DNAH11: variants seen among roughly 807,000 people sequenced by gnomAD.
The protein encoded by DNAH11 is axonemal beta dynein heavy chain 11.
In DNAH11, 442 loss-of-function variants were observed where a neutral mutation model predicts 526.0. That is an observed-to-expected ratio of 0.84 (90% CI 0.78 to 0.91). The LOEUF is 0.91. Ranked by LOEUF, DNAH11 falls within the 40% of genes least tolerant of loss-of-function variation. The pLI is 0.00. For missense variants in DNAH11, 6,989 were observed against 5,448.7 expected (o/e 1.28, Z -8.90); for synonymous variants, 2,461 against 1,935.9 (o/e 1.27, Z -7.12).
At chr7:21,871,363 A>G (rs983408691) in intron 73 of DNAH11, among the ~76,000 whole-genome samples, 8 of 152,246 alleles carry the variant, frequency 5.3e-5, no homozygotes, top group Admixed American at 3.9e-4. Context: ...AAAAATAGGC[A>G]TAAGAATCTA....
intron 50 of DNAH11, 75 bp downstream of exon 50, chr7:21,744,674 TA>T: frequency 6.4e-7 from 1 of 1,569,328 alleles, no homozygotes; most frequent in Non-Finnish European, 8.6e-7. Context: ...TAGATGAGGG[TA>T]TGAGAGAAGT....
Position 21,600,705 on chromosome 7 carries a change from A to G in DNAH11, c.3030A>G (p.Ala1010=). The G allele has an allele frequency of 6.2e-7, 1 of 1,613,190 alleles. No homozygotes were observed. Among genetic ancestry groups the G allele is most frequent in the Non-Finnish European group, 8.5e-7 (1 of 1,179,410 alleles). The part of the protein sequence containing the change: ...QNDMDNMLGL[A]EVRQEIMNRV... ...ATATGGATAACATGTTAGGCCTGGC[A>G]GAGGTCAGGCAGGAGATCATGAACA... is the stretch of plus-strand genomic sequence containing the variant. Residue 1010 remains alanine (A), a synonymous_variant, in exon 16 of 82, where the codon GCA becomes GCG. Transcript: ENST00000409508.
chr7:21,860,444 C>G (rs1388423439), intron 68 of DNAH11, among the ~76,000 whole-genome samples: 5 of 152,188 alleles, frequency 3.3e-5, no homozygotes, highest in Non-Finnish European at 7.3e-5. Context: ...CCACTTCTAG[C>G]TGTTTATTCA....
chr7:21,837,976 A>C (rs908038236), intron 65 of DNAH11, among the ~76,000 whole-genome samples: 2 of 152,176 alleles, frequency 1.3e-5, no homozygotes, highest in Admixed American at 1.3e-4. Flanking sequence ...TCAATTAAAA[A>C]CAGTTTTTAA....
At chr7:21,558,371 A>G (rs1783306987) in intron 2 of DNAH11, among the ~76,000 whole-genome samples, 1 of 152,198 alleles carries the variant, frequency 6.6e-6, no homozygotes, top group African/African-American at 2.4e-5. Context: ...CTTTCTGACT[A>G]CCCAAACTTT....
chr7:21,719,706 C>T (rs1784802605), intron 43 of DNAH11, among the ~76,000 whole-genome samples: 1 of 152,094 alleles, frequency 6.6e-6, no homozygotes, highest in African/African-American at 2.4e-5. Context: ...AATAGGTGCT[C>T]AATAATTTAA....
chr7:21,648,898 AC>A (rs1202105504), intron 28 of DNAH11, among the ~76,000 whole-genome samples: 1 of 152,046 alleles, frequency 6.6e-6, no homozygotes, highest in Non-Finnish European at 1.5e-5. Flanking sequence ...CTTCCTGAAT[AC>A]CTTGATATTA....
intron 25 of DNAH11, among the ~76,000 whole-genome samples, chr7:21,629,460 A>T (rs1343095871): frequency 6.6e-6 from 1 of 151,990 alleles, no homozygotes; most frequent in Non-Finnish European, 1.5e-5. Context: ...TTCTTTGTTG[A>T]TTTTTGAAAT....
chr7:21,820,669 C>G (rs1790014013), intron 65 of DNAH11, among the ~76,000 whole-genome samples: 1 of 151,954 alleles, frequency 6.6e-6, no homozygotes, highest in Admixed American at 6.6e-5. Flanking sequence ...CACAGACTTC[C>G]TTGGTTGATC....
rs189965737 is a variant in DNAH11, at chr7:21,799,674, C to A, written c.10027-1463C>A. On this transcript the variant is annotated intron_variant, in intron 61 of 81. Coordinates refer to ENST00000409508, the MANE Select transcript of DNAH11 (RefSeq NM_001277115.2). The stretch of plus-strand genomic sequence containing the variant: ...ATTTCTAACTGGTGATGTATAATAT[C>A]TCCATCAATTCTCATAAAGTTAATG... Among the ~76,000 whole-genome samples the A allele has an allele frequency of 3.9e-5, 6 of 152,234 alleles. No homozygotes were observed. The East Asian group carries it at 9.6e-4, about 24-fold the overall frequency.
At position 21,600,651 on chromosome 7, in the gene DNAH11, AGTGCT is replaced by A; in HGVS notation, c.3001-21_3001-17del. On this transcript the variant is annotated intron_variant, in intron 15 of 81. Transcript: ENST00000409508. ...TAAAGTAAGGTTGGTTTGAATAGTA[AGTGCT>A]GTGTTTTCCTCTCATTTAGAATGAT... The A allele has an allele frequency of 4.5e-6, 7 of 1,563,900 alleles. No individual in the cohort carries two copies. Among genetic ancestry groups the A allele is most frequent in the Non-Finnish European group, 6.1e-6 (7 of 1,153,908 alleles).
chr7:21,555,668 C>A (rs1218309357), intron 2 of DNAH11, among the ~76,000 whole-genome samples: 1 of 152,214 alleles, frequency 6.6e-6, no homozygotes, highest in African/African-American at 2.4e-5. Context: ...CAATTTTCCT[C>A]CCTTGGCTTG....
Position 21,842,654 on chromosome 7 carries a change from C to G in DNAH11, c.10802C>G (p.Thr3601Ser), listed in dbSNP as rs774009415. ...AAGCCGGAATTACAAGCTCAGACAA[C>G]TCTCCTCAATTTCACAGTCACAGAA... is the stretch of plus-strand genomic sequence containing the variant. ...HYKPELQAQT[T>S]LLNFTVTEDG... The change falls in exon 66 of 82, where the codon ACT becomes AGT. Residue 3601 changes from threonine to serine, a missense_variant. Transcript: ENST00000409508. The G allele has an allele frequency of 6.2e-7, 1 of 1,613,920 alleles. No homozygotes were observed. The highest frequency in any genetic ancestry group is 1.1e-5 in the South Asian group (1 of 91,058).
At chr7:21,788,671 A>G (rs1788299612) in intron 60 of DNAH11, among the ~76,000 whole-genome samples, 1 of 152,186 alleles carries the variant, frequency 6.6e-6, no homozygotes, top group Non-Finnish European at 1.5e-5. Context: ...CAAGAAAGTG[A>G]CAATGTGGTT....
chr7:21,683,727 A>G (rs1783243204), intron 31 of DNAH11, 57 bp from the exon 32 acceptor site: 2 of 1,473,370 alleles, frequency 1.4e-6, no homozygotes, highest in East Asian at 2.3e-5. Context: ...TTAGATTAAT[A>G]ACTTGTTGCC....
At chr7:21,778,825 G>C in intron 56 of DNAH11, 133 bp from the exon 57 acceptor site, 1 of 1,075,928 alleles carries the variant, frequency 9.3e-7, no homozygotes, top group African/African-American at 1.6e-5. Context: ...TCAGAAGACA[G>C]TGAAAATCAG....
Position 21,588,627 on chromosome 7 carries a change from T to C in DNAH11, c.1964T>C (p.Leu655Pro), listed in dbSNP as rs1784559898. 6.2e-7 allele frequency: 1 copy of C among 1,612,992 alleles called. No homozygotes were observed. Among genetic ancestry groups the C allele is most frequent in the Admixed American group, 1.7e-5 (1 of 59,986 alleles). ...ATGTTTTGGTCAAACTTCGCATCTC[T>C]CCGTTATCTGTAAGTAGTTAAGCTT... ...LQMFWSNFAS[L>P]RYLFLGNPDH... The change falls in exon 11 of 82, where the codon CTC becomes CCC. Residue 655 changes from leucine to proline, a missense_variant. By Grantham distance (98) the Leu-to-Pro change is moderately conservative. Transcript: ENST00000409508.
At chr7:21,802,802 G>A (rs1322673985) in intron 62 of DNAH11, among the ~76,000 whole-genome samples, 1 of 151,880 alleles carries the variant, frequency 6.6e-6, no homozygotes, top group African/African-American at 2.4e-5. Context: ...ATTTATAGAC[G>A]CAAAATAGAC....
chr7:21,765,813 T>G (rs1466755466), intron 55 of DNAH11, among the ~76,000 whole-genome samples: 3 of 152,218 alleles, frequency 2.0e-5, no homozygotes, highest in Non-Finnish European at 4.4e-5. Flanking sequence ...GAGGAGGATG[T>G]GCACACGTGC....
Sources: allele counts gnomAD v4.1 joint callset (sites outside exome capture counted in the v4.1 genomes callset), GRCh38; gene constraint gnomAD v4.1.1; transcripts MANE v1.5; gene names NCBI Gene and HGNC (gene_info 2026-07-23, HGNC 2026-07-21).